Variants in UNC80 observed in about 807,000 individuals in gnomAD.
The protein encoded by UNC80 is protein unc-80 homolog.
A neutral mutation model predicts 384.6 loss-of-function variants in UNC80; 164 were observed. The ratio of observed to expected loss-of-function variants is 0.43; its 90% CI spans 0.38 to 0.49. The LOEUF (loss-of-function observed/expected upper bound fraction) is 0.49. UNC80 is among the 20% of genes least tolerant of loss of function. The pLI is 0.00. For synonymous variants in UNC80, 1,486 were observed against 1,527.8 expected (o/e 0.97, Z 0.64); for missense variants, 3,330 against 4,143.0 (o/e 0.80, Z 5.39).
intron 47 of UNC80, among the ~76,000 whole-genome samples, chr2:209,948,737 C>T (rs2092022530): frequency 6.6e-6 from 1 of 152,000 alleles, no homozygotes; most frequent in African/African-American, 2.4e-5. Flanking sequence ...CATTTCTGAT[C>T]CCGGGGTATG....
chr2:209,987,913 T>G lies in UNC80; in HGVS notation c.9314+3001T>G, dbSNP rs149612795. Among the ~76,000 whole-genome samples, 737 of 152,280 alleles carry G rather than the reference T, an allele frequency of 4.8e-3. 17 individuals carry two copies. Among genetic ancestry groups the G allele is most frequent in the East Asian group, 0.024 (123 of 5,178 alleles). On this transcript the variant is annotated intron_variant, in intron 61 of 64. Coordinates refer to ENST00000673920, the MANE Select transcript of UNC80 (RefSeq NM_001371986.1). ...AAAACCTTTTTAAGTAGCTGAGAAT[T>G]AATGACTAAGAAAATATGTTGTGAT...
At chr2:209,861,417 A>G (rs10189597) in intron 22 of UNC80, among the ~76,000 whole-genome samples, 24,583 of 152,140 alleles carry the variant, frequency 0.16, 2,604 homozygotes, top group African/African-American at 0.29. Flanking sequence ...GTGATGGATA[A>G]GTTTTTTGAT....
chr2:209,906,823 T>C (rs1438725898), intron 29 of UNC80, among the ~76,000 whole-genome samples: 1 of 152,224 alleles, frequency 6.6e-6, no homozygotes. Flanking sequence ...AGAAAATCTA[T>C]TTTTATTTAT....
intron 35 of UNC80, among the ~76,000 whole-genome samples, chr2:209,923,480 T>C (rs1323083312): frequency 6.6e-6 from 1 of 152,144 alleles, no homozygotes; most frequent in African/African-American, 2.4e-5. Context: ...ATTTTCTCCA[T>C]TGAATTTTCT....
At chr2:209,832,493 A>G (rs1201941694) in intron 16 of UNC80, among the ~76,000 whole-genome samples, 2 of 152,162 alleles carry the variant, frequency 1.3e-5, no homozygotes, top group African/African-American at 2.4e-5. Context: ...AAATCATTCC[A>G]TTTGCACATG....
In UNC80 at chr2:209,776,009, T is replaced by G; in HGVS notation, c.262T>G (p.Cys88Gly). Residue 88 changes from cysteine (C) to glycine (G), a missense_variant, in exon 3 of 65, where the codon TGC becomes GGC. Physicochemically the swap from Cys to Gly is radical, Grantham distance 159. Around this residue, in one of 8 missense-constraint regions of UNC80, gnomAD observed 86 missense variants for 141.5 expected, o/e 0.61. Transcript: ENST00000673920. ...VQAALPHVLH[C>G]TATLLSNRNK... ...AGCTGCTTTGCCTCATGTCCTCCAC[T>G]GCACTGCAACCCTGCTTTCAAACCG... is the stretch of plus-strand genomic sequence containing the variant. 6.2e-7 allele frequency: 1 copy of G among 1,614,182 alleles called. No homozygotes were observed. The highest frequency in any genetic ancestry group is 8.5e-7 in the Non-Finnish European group (1 of 1,180,012).
At chr2:209,918,757 A>T (rs1356848835) in intron 33 of UNC80, 94 bp downstream of exon 33, 33 of 1,340,828 alleles carry the variant, frequency 2.5e-5, no homozygotes, top group African/African-American at 2.9e-5. Context: ...ATAAGAATGT[A>T]ATAATAACAC....
intron 25 of UNC80, among the ~76,000 whole-genome samples, chr2:209,886,658 C>T (rs1437858374): frequency 6.6e-6 from 1 of 152,232 alleles, no homozygotes; most frequent in African/African-American, 2.4e-5. Flanking sequence ...GAAATTCCCC[C>T]AATGTGTGAT....
At chr2:209,784,883 T>C (rs762673897) in intron 4 of UNC80, among the ~76,000 whole-genome samples, 3 of 152,230 alleles carry the variant, frequency 2.0e-5, no homozygotes, top group Non-Finnish European at 2.9e-5. Context: ...GACTTTCCCA[T>C]TGTGGGAACC....
At chr2:209,971,843 A>G (rs898892808) in intron 54 of UNC80, among the ~76,000 whole-genome samples, 2 of 152,244 alleles carry the variant, frequency 1.3e-5, no homozygotes, top group African/African-American at 4.8e-5. Flanking sequence ...CAAAAGGAGC[A>G]AGTGAGAAGT....
At position 209,994,066 on chromosome 2, in the gene UNC80, G is replaced by T. The variant is rs756716727; in HGVS notation, c.9510G>T (p.Ala3170=). The change falls in exon 64 of 65, where the codon GCG becomes GCT. Residue 3170 remains alanine, a splice_region_variant and synonymous_variant. Coordinates refer to ENST00000673920, the MANE Select transcript of UNC80 (RefSeq NM_001371986.1). ...RSIQPKTKPS[A]DQKRSVTFIE... ...TTACTGTTTCACCTCTACCTGCAGC[G>T]GATCAGAAACGATCTGTGACCTTCA... The T allele has an allele frequency of 5.8e-6, 9 of 1,548,684 alleles. No homozygotes were observed. Among genetic ancestry groups the T allele is most frequent in the African/African-American group, 5.5e-5 (4 of 72,868 alleles).
intron 51 of UNC80, among the ~76,000 whole-genome samples, chr2:209,962,426 A>G (rs555284969): frequency 6.6e-6 from 1 of 152,274 alleles, no homozygotes; most frequent in African/African-American, 2.4e-5. Context: ...GGTGTTTGTT[A>G]AAAGGGAAGA....
intron 22 of UNC80, among the ~76,000 whole-genome samples, chr2:209,867,284 C>G (rs113922494): frequency 6.6e-6 from 1 of 152,134 alleles, no homozygotes; most frequent in Non-Finnish European, 1.5e-5. Flanking sequence ...TCCTAAGTGA[C>G]GCCTAGGCTC....
intron 60 of UNC80, 105 bp downstream of exon 60, chr2:209,982,422 G>T: frequency 7.4e-7 from 1 of 1,347,802 alleles, no homozygotes; most frequent in Non-Finnish European, 9.7e-7. Flanking sequence ...AGCAAGCAAT[G>T]GTAATGTTTT....
chr2:209,830,702 C>T (rs542525034), intron 15 of UNC80, among the ~76,000 whole-genome samples: 18 of 152,210 alleles, frequency 1.2e-4, no homozygotes, highest in African/African-American at 2.2e-4. Flanking sequence ...TCCTCTGGCA[C>T]GGGCACAGGA....
chr2:209,865,299 C>G (rs1490248037), intron 22 of UNC80, among the ~76,000 whole-genome samples: 1 of 151,892 alleles, frequency 6.6e-6, no homozygotes, highest in Non-Finnish European at 1.5e-5. Context: ...TTTACTCTTC[C>G]CTCAAAAAAT....
chr2:209,983,124 C>A lies in UNC80; in HGVS notation c.9257+807C>A, dbSNP rs532715167. ...TTAGTGTGTTGCTTATTTTTAATACCTATAGATTCATTGTAGTACAATTCA... is the reference window on the plus strand; with the variant it reads ...TTAGTGTGTTGCTTATTTTTAATACATATAGATTCATTGTAGTACAATTCA... On this transcript the variant is annotated intron_variant, in intron 60 of 64. Transcript: ENST00000673920. 1.2e-4 allele frequency among the ~76,000 whole-genome samples: 18 copies of A among 152,058 alleles called. No homozygotes were observed. The East Asian group carries it at 3.5e-3, about 29-fold the overall frequency.
At chr2:209,890,348 C>T (rs1414610222) in intron 26 of UNC80, among the ~76,000 whole-genome samples, 2 of 152,158 alleles carry the variant, frequency 1.3e-5, no homozygotes, top group African/African-American at 4.8e-5. Flanking sequence ...CCTTTAGTCC[C>T]TCTTCAGCAA....
chr2:209,958,195 T>C (rs2092474720), intron 49 of UNC80, among the ~76,000 whole-genome samples: 1 of 152,224 alleles, frequency 6.6e-6, no homozygotes. Flanking sequence ...GGTTGTTAAC[T>C]TAATCTCCTT....
Sources: allele counts gnomAD v4.1 joint callset (sites outside exome capture counted in the v4.1 genomes callset), GRCh38; gene constraint gnomAD v4.1.1; regional missense constraint gnomAD v4.1.1; transcripts MANE v1.5; gene names NCBI Gene and HGNC (gene_info 2026-07-23, HGNC 2026-07-21).